The following CNTNAP2 variants were observed in gnomAD, a reference collection of about 807,000 sequenced individuals.
The protein encoded by CNTNAP2 is contactin associated protein 2.
CNTNAP2 carries 98 observed loss-of-function variants against 155.2 expected under a neutral mutation model. The observed-to-expected ratio is 0.63, with a 90% CI of 0.54 to 0.75. The LOEUF (loss-of-function observed/expected upper bound fraction) is 0.75, where lower values mean the gene tolerates loss of function less well. Among genes scored for constraint, CNTNAP2 ranks in the 30% least tolerant of loss-of-function variants. The pLI is 0.00. For synonymous variants in CNTNAP2, 651 were observed against 631.2 expected, an observed-to-expected ratio of 1.03 and a Z score of -0.47; for missense variants, 1,727 against 1,688.1, an observed-to-expected ratio of 1.02 and a Z score of -0.40.
At chr7:148,117,654 A>G (rs1460873452) in intron 15 of CNTNAP2, among the ~76,000 whole-genome samples, 1 of 152,122 alleles carries the variant, frequency 6.6e-6, no homozygotes, top group Admixed American at 6.5e-5. Flanking sequence ...GCAGGAGTTC[A>G]AAACAGCCCC....
In CNTNAP2 at chr7:146,161,387, A is replaced by T. The variant is rs377003497; in HGVS notation, c.97+44414A>T. On this transcript the variant is annotated intron_variant, in intron 1 of 23. Transcript: ENST00000361727. ...AAGAGAAAGAAATAAAGGGTATTCA[A>T]TTAGGAAAAGAGGAAGTCAAATTGT... Among the ~76,000 whole-genome samples the T allele has an allele frequency of 1.2e-3, 179 of 152,304 alleles. 1 individual carries two copies. The highest frequency in any genetic ancestry group is 4.2e-3 in the African/African-American group (174 of 41,572).
chr7:148,014,951 T>C (rs1031353227), intron 15 of CNTNAP2, among the ~76,000 whole-genome samples: 8 of 152,208 alleles, frequency 5.3e-5, no homozygotes. Context: ...TTTATTTTTA[T>C]GTGAAGTTCT....
At chr7:146,340,451 A>G (rs903918653) in intron 1 of CNTNAP2, among the ~76,000 whole-genome samples, 3 of 151,894 alleles carry the variant, frequency 2.0e-5, no homozygotes, top group Non-Finnish European at 4.4e-5. Flanking sequence ...AGAATGCTAA[A>G]GCTAGGGTTG....
intron 1 of CNTNAP2, among the ~76,000 whole-genome samples, chr7:146,378,657 A>G (rs1795338919): frequency 1.3e-5 from 2 of 152,184 alleles, no homozygotes; most frequent in Admixed American, 1.3e-4. Flanking sequence ...ATCCGAGTCC[A>G]TACCCTTAGC....
At chr7:146,991,486 G>T (rs1252036871) in intron 3 of CNTNAP2, among the ~76,000 whole-genome samples, 2 of 152,090 alleles carry the variant, frequency 1.3e-5, no homozygotes, top group African/African-American at 4.8e-5. Context: ...TGCCACAGTG[G>T]GGCACACCTT....
chr7:146,124,937 G>T (rs1797613277), intron 1 of CNTNAP2, among the ~76,000 whole-genome samples: 1 of 152,000 alleles, frequency 6.6e-6, no homozygotes, highest in Non-Finnish European at 1.5e-5. Flanking sequence ...ATGAGATTTG[G>T]TATTCAATAT....
chr7:147,397,208 T>C (rs927246951), intron 10 of CNTNAP2, among the ~76,000 whole-genome samples: 4 of 152,034 alleles, frequency 2.6e-5, no homozygotes, highest in African/African-American at 9.7e-5. Flanking sequence ...TATATTTAAA[T>C]AGAATAGTGA....
intron 11 of CNTNAP2, among the ~76,000 whole-genome samples, chr7:147,490,210 AC>A (rs1380393746): frequency 2.0e-5 from 3 of 152,218 alleles, no homozygotes; most frequent in African/African-American, 7.2e-5. Flanking sequence ...AAACTAGATG[AC>A]CTATATAATT....
intron 13 of CNTNAP2, chr7:147,849,771 C>G (rs1056099440): frequency 6.6e-6 from 1 of 152,220 alleles, no homozygotes; most frequent in Non-Finnish European, 1.5e-5. Flanking sequence ...GGTCAGGAGG[C>G]AAGTGAGATG....
intron 8 of CNTNAP2, among the ~76,000 whole-genome samples, chr7:147,187,442 C>A (rs149346374): frequency 1.3e-5 from 2 of 152,048 alleles, no homozygotes; most frequent in Non-Finnish European, 2.9e-5. Flanking sequence ...TAAAAAAGAA[C>A]AGAATTATGT....
At chr7:148,328,695 C>T (rs990622799) in intron 21 of CNTNAP2, among the ~76,000 whole-genome samples, 4 of 152,146 alleles carry the variant, frequency 2.6e-5, no homozygotes, top group Middle Eastern at 3.4e-3. Context: ...ACAAGCTGGG[C>T]GCGGTGGCTC....
intron 3 of CNTNAP2, among the ~76,000 whole-genome samples, chr7:146,873,049 A>G (rs1159822051): frequency 6.6e-6 from 1 of 152,214 alleles, no homozygotes; most frequent in African/African-American, 2.4e-5. Context: ...ATCCATGGGT[A>G]GTTCAAAGAT....
At chr7:147,453,224 C>T (rs910716475) in intron 10 of CNTNAP2, among the ~76,000 whole-genome samples, 3 of 152,122 alleles carry the variant, frequency 2.0e-5, no homozygotes, top group African/African-American at 7.2e-5. Flanking sequence ...AACCCTTTTC[C>T]TCCTGGTAAA....
At chr7:147,508,266 C>T (rs1798950025) in intron 11 of CNTNAP2, among the ~76,000 whole-genome samples, 2 of 152,152 alleles carry the variant, frequency 1.3e-5, no homozygotes, top group African/African-American at 4.8e-5. Context: ...TTTCTGCCCC[C>T]TGTCCCCCAT....
intron 12 of CNTNAP2, among the ~76,000 whole-genome samples, chr7:147,613,532 C>A (rs1157269465): frequency 6.6e-6 from 1 of 152,070 alleles, no homozygotes; most frequent in Non-Finnish European, 1.5e-5. Context: ...TTTTCTTACA[C>A]TTTCTTTAAG....
chr7:147,201,236 A>G (rs1234795714), intron 8 of CNTNAP2, among the ~76,000 whole-genome samples: 2 of 152,226 alleles, frequency 1.3e-5, no homozygotes, highest in African/African-American at 4.8e-5. Flanking sequence ...TAATTTGCTT[A>G]CATTCCTTTT....
intron 4 of CNTNAP2, among the ~76,000 whole-genome samples, chr7:147,100,624 C>A (rs1463630387): frequency 1.3e-5 from 2 of 152,136 alleles, no homozygotes; most frequent in East Asian, 1.9e-4. Flanking sequence ...ACCATTTATT[C>A]ATATCAGACA....
At chr7:146,522,516 A>G (rs140305207) in intron 1 of CNTNAP2, among the ~76,000 whole-genome samples, 3 of 152,098 alleles carry the variant, frequency 2.0e-5, no homozygotes, top group East Asian at 1.9e-4. Flanking sequence ...GCACTCTTCT[A>G]TGTCTAAGAT....
chr7:148,140,664 C>T (rs1349154768), intron 16 of CNTNAP2, among the ~76,000 whole-genome samples: 1 of 151,864 alleles, frequency 6.6e-6, no homozygotes, highest in Non-Finnish European at 1.5e-5. Context: ...TCAGGTGATC[C>T]ACCCGCCTCA....
Sources: allele counts gnomAD v4.1 joint callset (sites outside exome capture counted in the v4.1 genomes callset), GRCh38; gene constraint gnomAD v4.1.1; transcripts MANE v1.5; gene names NCBI Gene and HGNC (gene_info 2026-07-23, HGNC 2026-07-21).